Variants in WASHC5 observed in about 807,000 individuals in gnomAD.
WASHC5 encodes the protein WASH complex subunit strumpellin.
WASHC5 carries 101 observed loss-of-function variants against 150.4 expected under a neutral mutation model. The observed-to-expected ratio is 0.67, with a 90% confidence interval of 0.57 to 0.79. The LOEUF (loss-of-function observed/expected upper bound fraction) is 0.79. Among genes scored for constraint, WASHC5 ranks in the 30% least tolerant of loss-of-function variants. The pLI is 0.00. For missense variants in WASHC5, 1,195 were observed against 1,396.3 expected, an observed-to-expected ratio of 0.86 and a Z score of 2.30; for synonymous variants, 467 against 491.2, an observed-to-expected ratio of 0.95 and a Z score of 0.65.
chr8:125,076,929 G>A (rs1817081225), intron 6 of WASHC5, among the ~76,000 whole-genome samples: 1 of 151,866 alleles, frequency 6.6e-6, no homozygotes, highest in South Asian at 2.1e-4. Context: ...AATTCCCTAC[G>A]GTCGCTCATG....
intron 24 of WASHC5, among the ~76,000 whole-genome samples, chr8:125,039,587 A>T (rs1038534348): frequency 7.9e-5 from 12 of 152,148 alleles, no homozygotes; most frequent in Non-Finnish European, 1.6e-4. Flanking sequence ...TCCATTAGAG[A>T]GAGTGAGTGA....
intron 1 of WASHC5, among the ~76,000 whole-genome samples, chr8:125,088,516 C>T (rs114343416): frequency 0.011 from 1,637 of 152,118 alleles, 32 homozygotes; most frequent in African/African-American, 0.036. Flanking sequence ...AGACTAACTT[C>T]TGGCTTGGGC....
chr8:125,045,662 GAAGC>G (rs1261308819), intron 20 of WASHC5, among the ~76,000 whole-genome samples: 4 of 152,202 alleles, frequency 2.6e-5, no homozygotes, highest in Non-Finnish European at 5.9e-5. Context: ...AAAGAGCCTA[GAAGC>G]AAGGGAGGTT....
At chr8:125,070,561 G>C (rs1052963226) in intron 9 of WASHC5, among the ~76,000 whole-genome samples, 6 of 152,214 alleles carry the variant, frequency 3.9e-5, no homozygotes, top group African/African-American at 1.4e-4. Flanking sequence ...TTGGTTTTAT[G>C]ACAGGATAAA....
intron 19 of WASHC5, among the ~76,000 whole-genome samples, chr8:125,047,961 C>A (rs12543231): frequency 3.3e-5 from 5 of 152,200 alleles, no homozygotes; most frequent in African/African-American, 1.2e-4. Context: ...ATCCTCCCAC[C>A]TGAGCCTCCA....
chr8:125,039,091 A>T (rs915244771), intron 24 of WASHC5, 132 bp from the exon 25 acceptor site: 4 of 1,004,024 alleles, frequency 4.0e-6, no homozygotes, highest in Non-Finnish European at 4.6e-6. Context: ...TGATCTCGCT[A>T]ATTCTCAACC....
chr8:125,059,306 A>T lies in WASHC5; in HGVS notation c.1689-9T>A, dbSNP rs577134358. On this transcript the variant is annotated splice_polypyrimidine_tract_variant and intron_variant, in intron 13 of 28. Transcript: ENST00000318410. ...GCATGATGGATGTGAAACTGTAAAA[A>T]GAAAAGAAACGGTAAGAAGATGTTC... 3 of 1,614,052 alleles carry T rather than the reference A, an allele frequency of 1.9e-6. No homozygotes were observed. The highest frequency in any genetic ancestry group is 2.2e-5 in the South Asian group (2 of 91,086).
chr8:125,064,804 G>A (rs1366617209), intron 10 of WASHC5, among the ~76,000 whole-genome samples: 1 of 152,100 alleles, frequency 6.6e-6, no homozygotes, highest in Non-Finnish European at 1.5e-5. Flanking sequence ...AATGGGATAG[G>A]GAGACTCCAT....
In WASHC5 at chr8:125,028,643, G is replaced by A. The variant is rs566930626; in HGVS notation, c.3400C>T (p.Arg1134Trp). The change falls in exon 28 of 29, where the codon CGG (arginine) becomes TGG (tryptophan). Residue 1134 changes from arginine to tryptophan, a missense_variant. By Grantham distance (101) the Arg-to-Trp change is moderately radical. Around this residue, in one of 3 missense-constraint regions of WASHC5, gnomAD observed 997 missense variants for 1,168.1 expected, o/e 0.85. Transcript: ENST00000318410. ...GALLFLEDYVRYTKLPRRVAE... is the reference protein window; with the variant it reads ...GALLFLEDYVWYTKLPRRVAE... ...ACCCTCCTGGGTAGCTTTGTGTACC[G>A]AACATAATCCTCCAGGAACAGAAGG... 8.1e-6 allele frequency: 13 copies of A among 1,612,910 alleles called. No homozygotes were observed. The highest frequency in any genetic ancestry group is 6.6e-5 in the South Asian group (6 of 91,028).
rs376240904 is a variant in WASHC5 at position 125,078,837 on chromosome 8, T to C, written c.612A>G (p.Pro204=). The C allele has an allele frequency of 1.4e-5, 23 of 1,614,000 alleles. No individual in the cohort carries two copies. In the African/African-American group the frequency reaches 2.1e-4, roughly 15 times the overall value. Residue 204 remains proline (P), a synonymous_variant, in exon 6 of 29, where the codon CCA becomes CCG. Coordinates refer to ENST00000318410, the MANE Select transcript of WASHC5 (RefSeq NM_014846.4). Reference sequence around the variant, plus strand: ...GGAAATAGCTCTCGGGATAGTTGGATGGTCTTTTGGCACCTGGTTGGCTAG... The same window carrying C: ...GGAAATAGCTCTCGGGATAGTTGGACGGTCTTTTGGCACCTGGTTGGCTAG... The part of the protein sequence containing the change: ...GYSSQPGAKR[P]SNYPESYFQR...
rs79465975 is a variant in WASHC5, at chr8:125,081,573, T to C, written c.518+88A>G. On this transcript the variant is annotated intron_variant, in intron 5 of 28. Transcript: ENST00000318410. ...ACTTTCTTATCTATTCTTGGATTAC[T>C]GCTGTTCACAGTATAAGGAATATGG... The C allele has an allele frequency of 0.047, 38,115 of 805,948 alleles. 1,106 individuals are homozygous for C. Among genetic ancestry groups the C allele is most frequent in the Middle Eastern group, 0.11 (476 of 4,504 alleles). 49.9% of individuals were successfully genotyped at this position (805,948 alleles called of 1,614,324 possible).
At chr8:125,079,116 GTATATATA>G (rs57043871) in intron 5 of WASHC5, among the ~76,000 whole-genome samples, 186 bp from the exon 6 acceptor site, 29 of 97,926 alleles carry the variant, frequency 3.0e-4, no homozygotes, top group Admixed American at 2.5e-4. Context: ...GTGTGTGTGT[GTATATATA>G]TATATATATA....
chr8:125,054,873 T>A (rs902461654), intron 17 of WASHC5, among the ~76,000 whole-genome samples: 1 of 145,274 alleles, frequency 6.9e-6, no homozygotes, highest in Non-Finnish European at 1.5e-5. Context: ...GGGTGTGAAA[T>A]AAAAGTACTA....
intron 25 of WASHC5, 99 bp from the exon 26 acceptor site, chr8:125,037,432 G>A (rs1815747960): frequency 2.5e-6 from 2 of 795,882 alleles, no homozygotes; most frequent in South Asian, 1.4e-5. Context: ...ACTTCAATTT[G>A]CTCTTTGGCT....
At chr8:125,071,622 G>T (rs1816897655) in intron 9 of WASHC5, among the ~76,000 whole-genome samples, 1 of 152,100 alleles carries the variant, frequency 6.6e-6, no homozygotes, top group African/African-American at 2.4e-5. Context: ...GACCTCCTCT[G>T]CTCCCCTATC....
rs376352332 is a variant in WASHC5, at chr8:125,056,796, T to C, written c.1897A>G (p.Ser633Gly). Residue 633 changes from serine to glycine, a missense_variant, in exon 16 of 29, where the codon AGC (serine) becomes GGC (glycine). Physicochemically the swap from Ser to Gly is moderately conservative, Grantham distance 56. Transcript: ENST00000318410. ...ATCTTTAGAAGAGATGTAAACATGCTTTCTGGGATGATCTGCAAAACCTTC... is the reference window on the plus strand; with the variant it reads ...ATCTTTAGAAGAGATGTAAACATGCCTTCTGGGATGATCTGCAAAACCTTC... The part of the protein sequence containing the change: ...VRKVLQIIPE[S>G]MFTSLLKIIK... 9.3e-6 allele frequency: 15 copies of C among 1,614,070 alleles called. No homozygotes were observed. In the African/African-American group the frequency reaches 1.5e-4, roughly 16 times the overall value.
chr8:125,035,395 T>C (rs1815670736), intron 26 of WASHC5, among the ~76,000 whole-genome samples: 2 of 152,178 alleles, frequency 1.3e-5, no homozygotes, highest in Admixed American at 1.3e-4. Context: ...GAAAAGAAGG[T>C]TCTTTCTGCA....
intron 26 of WASHC5, among the ~76,000 whole-genome samples, chr8:125,034,452 G>A (rs1336759053): frequency 2.0e-5 from 3 of 152,068 alleles, no homozygotes; most frequent in African/African-American, 7.2e-5. Flanking sequence ...GCAGTGGGCC[G>A]AGATTACGCT....
intron 5 of WASHC5, among the ~76,000 whole-genome samples, chr8:125,079,135 T>TATATATATATATATATATATATAC (rs35442808): frequency 3.4e-5 from 4 of 117,480 alleles, no homozygotes; most frequent in African/African-American, 7.5e-5. Context: ...TATATATATA[T>TATATATATATATATATATATATAC]ATATACATTT....
Sources: gnomAD v4.1 joint callset for allele counts (sites outside exome capture counted in the v4.1 genomes callset) on GRCh38, gnomAD v4.1.1 for gene constraint, gnomAD v4.1.1 regional missense constraint, MANE v1.5 for transcripts, NCBI Gene and HGNC (gene_info 2026-07-23, HGNC 2026-07-21) for gene names.